NGEF: variants seen among roughly 807,000 people sequenced by gnomAD.
The protein encoded by NGEF is neuronal guanine nucleotide exchange factor.
A neutral mutation model predicts 80.9 loss-of-function variants in NGEF; 31 were observed. The observed-to-expected ratio is 0.38, with a 90% confidence interval of 0.29 to 0.52. The LOEUF is 0.52. Ranked by LOEUF, NGEF falls within the 20% of genes least tolerant of loss-of-function variation. The pLI is 0.84. For missense variants in NGEF, 709 were observed against 926.2 expected (o/e 0.77, Z 3.04); for synonymous variants, 371 against 370.2 (o/e 1.00, Z -0.03).
chr2:232,938,961 A>ACCT, intron 3 of NGEF, among the ~76,000 whole-genome samples: 1 of 151,690 alleles, frequency 6.6e-6, no homozygotes, highest in Non-Finnish European at 1.5e-5. Context: ...CAGGTGGATC[A>ACCT]GAGTTCAGGA....
At chr2:232,926,906 G>A (rs1428890770) in intron 4 of NGEF, 138 bp downstream of exon 4, 4 of 1,132,118 alleles carry the variant, frequency 3.5e-6, no homozygotes, top group Non-Finnish European at 5.1e-6. Context: ...AGCCAAACAT[G>A]TCAAAAGCTT....
chr2:232,883,260 C>T, intron 12 of NGEF, 51 bp downstream of exon 12: 2 of 1,539,188 alleles, frequency 1.3e-6, no homozygotes, highest in East Asian at 2.3e-5. Context: ...ATCGAGGCCA[C>T]ACAGAAAGGT....
In NGEF at chr2:232,891,592, C is replaced by T. The variant is rs1028266531; in HGVS notation, c.1143-105G>A. On this transcript the variant is annotated intron_variant, in intron 7 of 14. Transcript: ENST00000264051. Reference sequence around the variant, plus strand: ...TCCCAGGATCCAGACGACCCACGGGCTCAGAAAACATGTTGATTTCTTTCT... The same window carrying T: ...TCCCAGGATCCAGACGACCCACGGGTTCAGAAAACATGTTGATTTCTTTCT... 3.9e-6 allele frequency: 5 copies of T among 1,287,322 alleles called. 1 individual carries two copies. The South Asian group carries it at 6.0e-5, about 16-fold the overall frequency. 79.7% of individuals were successfully genotyped at this position (1,287,322 alleles called of 1,614,324 possible). A position where few individuals can be genotyped will look rare whatever the true frequency, so the allele number is the denominator to read the frequency against.
chr2:232,903,729 T>C (rs1409415263), intron 5 of NGEF, among the ~76,000 whole-genome samples: 2 of 152,224 alleles, frequency 1.3e-5, no homozygotes, highest in African/African-American at 4.8e-5. Flanking sequence ...CGTCTCCCAC[T>C]GTAGGACTCA....
intron 1 of NGEF, among the ~76,000 whole-genome samples, chr2:232,988,088 A>T (rs1233505433): frequency 1.5e-5 from 2 of 130,784 alleles, no homozygotes; most frequent in African/African-American, 5.6e-5. Flanking sequence ...TGTGTGAGTG[A>T]CAATCTCAAA....
At chr2:232,992,529 G>C (rs1694671701) in intron 1 of NGEF, among the ~76,000 whole-genome samples, 1 of 151,986 alleles carries the variant, frequency 6.6e-6, no homozygotes, top group Non-Finnish European at 1.5e-5. Flanking sequence ...CTGCACTCCA[G>C]CCTGGATGAG....
intron 3 of NGEF, chr2:232,927,819 G>T: frequency 9.7e-7 from 1 of 1,028,822 alleles, no homozygotes; most frequent in Non-Finnish European, 1.2e-6. Flanking sequence ...GGGGTGCCCG[G>T]GACCCCGGGC....
chr2:232,896,700 A>G (rs1031463126), intron 5 of NGEF, among the ~76,000 whole-genome samples: 7 of 5,756 alleles, frequency 1.2e-3, no homozygotes, highest in Admixed American at 2.5e-3. Context: ...GGGTGGGGGT[A>G]GGGGTGGGGG....
At chr2:232,978,450 G>T (rs982723948) in intron 1 of NGEF, among the ~76,000 whole-genome samples, 2 of 152,206 alleles carry the variant, frequency 1.3e-5, no homozygotes, top group Admixed American at 6.5e-5. Context: ...GGAAGGCATA[G>T]GTTGCAGTGA....
At chr2:232,890,841 G>A (rs1294570950) in intron 8 of NGEF, 1 of 463,442 alleles carries the variant, frequency 2.2e-6, no homozygotes, top group Non-Finnish European at 4.5e-6. Flanking sequence ...AGGACCCAAT[G>A]TCTTCCCTGG....
At chr2:232,978,019 G>A (rs891762337) in intron 1 of NGEF, among the ~76,000 whole-genome samples, 1 of 152,138 alleles carries the variant, frequency 6.6e-6, no homozygotes, top group Non-Finnish European at 1.5e-5. Context: ...TGGTTTTGCG[G>A]TGTTGGGTTG....
At chr2:232,965,806 G>A (rs1694047885) in intron 3 of NGEF, among the ~76,000 whole-genome samples, 1 of 152,004 alleles carries the variant, frequency 6.6e-6, no homozygotes, top group African/African-American at 2.4e-5. Flanking sequence ...TCCTGCTTTG[G>A]AGGCAGTCAA....
At chr2:232,997,213 G>A (rs1053752865) in intron 1 of NGEF, among the ~76,000 whole-genome samples, 1 of 152,162 alleles carries the variant, frequency 6.6e-6, no homozygotes, top group Admixed American at 6.5e-5. Context: ...AGTCTCACCC[G>A]GGCCCTGGGA....
intron 8 of NGEF, among the ~76,000 whole-genome samples, chr2:232,890,293 C>T (rs1346656864): frequency 6.8e-6 from 1 of 147,416 alleles, no homozygotes; most frequent in Non-Finnish European, 1.5e-5. Context: ...CTGGGCCTGG[C>T]TGGAGCCTCC....
intron 5 of NGEF, among the ~76,000 whole-genome samples, chr2:232,901,153 CGCAGCCCG>C (rs1559200613): frequency 6.6e-6 from 1 of 152,190 alleles, no homozygotes; most frequent in Non-Finnish European, 1.5e-5. Context: ...CGGGCTTTTA[CGCAGCCCG>C]CGGGCCCCAA....
intron 8 of NGEF, among the ~76,000 whole-genome samples, chr2:232,889,720 G>GT (rs1691815825): frequency 6.6e-6 from 1 of 152,218 alleles, no homozygotes; most frequent in East Asian, 1.9e-4. Context: ...CCTCACGTTC[G>GT]TATCTCCATT....
At chr2:232,919,377 C>T (rs555601676) in intron 5 of NGEF, among the ~76,000 whole-genome samples, 11 of 152,110 alleles carry the variant, frequency 7.2e-5, no homozygotes, top group East Asian at 3.9e-4. Context: ...GGGAGTGAGA[C>T]GGAGCGGAAG....
At chr2:232,920,214 G>A (rs1329035803) in intron 5 of NGEF, 70 bp downstream of exon 5, 2 of 1,470,900 alleles carry the variant, frequency 1.4e-6, no homozygotes, top group Non-Finnish European at 1.8e-6. Flanking sequence ...CCCAGAGGAA[G>A]CCTCACCCCC....
At chr2:232,985,362 A>G (rs1419332130) in intron 1 of NGEF, among the ~76,000 whole-genome samples, 1 of 152,162 alleles carries the variant, frequency 6.6e-6, no homozygotes, top group Non-Finnish European at 1.5e-5. Context: ...CACACCTGTA[A>G]TCTCAGCCCT....
Sources: gnomAD v4.1 joint callset for allele counts (sites outside exome capture counted in the v4.1 genomes callset) on GRCh38, gnomAD v4.1.1 for gene constraint, MANE v1.5 for transcripts, NCBI Gene and HGNC (gene_info 2026-07-23, HGNC 2026-07-21) for gene names.